The following YTHDC2 variants were observed in gnomAD, a reference collection of about 807,000 sequenced individuals.
The protein encoded by YTHDC2 is YTH N6-methyladenosine RNA binding protein C2.
Under a neutral mutation model 174.9 loss-of-function variants are expected in YTHDC2, and 45 were observed. The ratio of observed to expected loss-of-function variants is 0.26; its 90% CI spans 0.20 to 0.33. The LOEUF (loss-of-function observed/expected upper bound fraction) is 0.33, where lower values mean the gene tolerates loss of function less well. Ranked by LOEUF, YTHDC2 falls within the 10% of genes least tolerant of loss-of-function variation. YTHDC2 has a pLI of 1.00. For synonymous variants in YTHDC2, 657 were observed against 574.5 expected (o/e 1.14, Z -2.05); for missense variants, 1,650 against 1,723.7 (o/e 0.96, Z 0.76).
At chr5:113,530,465 C>T (rs887318550) in intron 4 of YTHDC2, among the ~76,000 whole-genome samples, 2 of 152,092 alleles carry the variant, frequency 1.3e-5, no homozygotes, top group African/African-American at 2.4e-5. Context: ...TTGCAGTATA[C>T]ATTCACAACT....
At chr5:113,553,896 A>AT (rs1402514691) in intron 15 of YTHDC2, 42 bp downstream of exon 15, 1 of 1,583,690 alleles carries the variant, frequency 6.3e-7, no homozygotes, top group Non-Finnish European at 8.5e-7. Context: ...TTCATTAGTT[A>AT]TTTTTTCTGT....
At position 113,515,341 on chromosome 5, in the gene YTHDC2, G is replaced by A. The variant is rs1773337877; in HGVS notation, c.257G>A (p.Gly86Asp). 6.2e-7 allele frequency: 1 copy of A among 1,612,258 alleles called. No homozygotes were observed. The highest frequency in any genetic ancestry group is 1.3e-5 in the African/African-American group (1 of 74,796). Reference protein sequence around the residue: ...AFIHRLSQSLGLVSKSKGKGA... With the variant: ...AFIHRLSQSLDLVSKSKGKGA... ...ATTCATCGACTCAGTCAGTCTCTTG[G>A]TTTGGTCTCTAAAAGTAAAGGGTAA... Residue 86 changes from glycine (G) to aspartate (D), a missense_variant, in exon 2 of 30, where the codon GGT becomes GAT. Gly to Asp is a moderately conservative substitution (Grantham distance 94, BLOSUM62 -1). This residue lies in a region of YTHDC2 where 304 missense variants were observed against 341.4 expected (regional missense o/e 0.89). Transcript: ENST00000161863.
At chr5:113,571,921 CT>C (rs1777748010) in intron 23 of YTHDC2, among the ~76,000 whole-genome samples, 1 of 152,098 alleles carries the variant, frequency 6.6e-6, no homozygotes, top group African/African-American at 2.4e-5. Flanking sequence ...AAAGAACCAG[CT>C]TTTTGATTTG....
intron 23 of YTHDC2, among the ~76,000 whole-genome samples, chr5:113,573,047 G>A (rs1376532610): frequency 6.6e-6 from 1 of 152,264 alleles, no homozygotes; most frequent in African/African-American, 2.4e-5. Context: ...TGTTTATGTG[G>A]TTGCTTCATA....
At chr5:113,583,593 C>A (rs1369502552) in intron 25 of YTHDC2, 1 of 152,342 alleles carries the variant, frequency 6.6e-6, no homozygotes. Flanking sequence ...CAAGCAATTT[C>A]CTGCCTCAGT....
intron 17 of YTHDC2, among the ~76,000 whole-genome samples, chr5:113,560,087 C>T (rs1776858782): frequency 6.6e-6 from 1 of 152,220 alleles, no homozygotes; most frequent in Non-Finnish European, 1.5e-5. Flanking sequence ...AATGCTCCTG[C>T]TCATTCCTTT....
chr5:113,546,302 A>C (rs962848088), intron 10 of YTHDC2, among the ~76,000 whole-genome samples: 2 of 152,192 alleles, frequency 1.3e-5, no homozygotes, highest in Non-Finnish European at 2.9e-5. Context: ...TAATTTGATT[A>C]TGGTCATCCT....
In YTHDC2 at chr5:113,535,689, G is replaced by T; in HGVS notation, c.993G>T (p.Lys331Asn). 1.9e-6 allele frequency: 3 copies of T among 1,613,680 alleles called. No individual in the cohort carries two copies. The highest frequency in any genetic ancestry group is 1.7e-6 in the Non-Finnish European group (2 of 1,179,850). The change falls in exon 7 of 30, where the codon AAG (lysine) becomes AAT (asparagine). Residue 331 changes from lysine (K) to asparagine (N), a missense_variant. This residue lies in a region of YTHDC2 where 411 missense variants were observed against 380.6 expected (regional missense o/e 1.08). Coordinates refer to ENST00000161863, the MANE Select transcript of YTHDC2 (RefSeq NM_022828.5). ...GATTTAGTGATTTTTTACTTACAAA[G>T]TTAAGAGATTTGTTGCAAAAGCACC... is the stretch of plus-strand genomic sequence containing the variant. Reference protein sequence around the residue: ...RDRFSDFLLTKLRDLLQKHPT... With the variant: ...RDRFSDFLLTNLRDLLQKHPT...
chr5:113,519,867 A>T (rs529813074), intron 2 of YTHDC2, among the ~76,000 whole-genome samples: 41 of 152,294 alleles, frequency 2.7e-4, no homozygotes, highest in African/African-American at 9.4e-4. Context: ...CAAAGAGTCA[A>T]TACACATAAT....
At position 113,532,962 on chromosome 5, in the gene YTHDC2, T is replaced by C. The variant is rs753088069; in HGVS notation, c.759T>C (p.Ala253=). ...IFCTQPRRLA[A]IAVAERVAAE... is the part of the protein sequence containing the mutation. Reference sequence around the variant, plus strand: ...GTACTCAACCAAGACGATTGGCAGCTATCGCTGTGGCTGAAAGAGTTGCCG... The same window carrying C: ...GTACTCAACCAAGACGATTGGCAGCCATCGCTGTGGCTGAAAGAGTTGCCG... The change falls in exon 5 of 30, where the codon GCT becomes GCC. Residue 253 remains alanine, a synonymous_variant. Transcript: ENST00000161863. The C allele has an allele frequency of 1.2e-6, 2 of 1,614,232 alleles. No homozygotes were observed. The highest frequency in any genetic ancestry group is 1.7e-6 in the Non-Finnish European group (2 of 1,180,036).
chr5:113,584,338 A>G lies in YTHDC2; in HGVS notation c.3684A>G (p.Pro1228=), dbSNP rs778027377. The stretch of plus-strand genomic sequence containing the variant: ...AATCTCCATCTCCAGCATTACACCC[A>G]CCTCAGAAGTACAAAGATAGAGGAA... ...LMKSPSPALH[P]PQKYKDRGIL... Residue 1228 remains proline (P), a synonymous_variant, in exon 26 of 30, where the codon CCA becomes CCG. Coordinates refer to ENST00000161863, the MANE Select transcript of YTHDC2 (RefSeq NM_022828.5). The G allele has an allele frequency of 1.9e-6, 3 of 1,613,546 alleles. No individual in the cohort carries two copies. The highest frequency in any genetic ancestry group is 2.5e-6 in the Non-Finnish European group (3 of 1,179,726).
intron 24 of YTHDC2, 183 bp downstream of exon 24, chr5:113,579,878 A>G (rs1778293036): frequency 1.0e-6 from 1 of 985,134 alleles, no homozygotes; most frequent in African/African-American, 1.7e-5. Context: ...CCAACAGAGG[A>G]CTTGGAAAAC....
At chr5:113,517,207 C>T (rs1773492632) in intron 2 of YTHDC2, among the ~76,000 whole-genome samples, 1 of 152,174 alleles carries the variant, frequency 6.6e-6, no homozygotes, top group African/African-American at 2.4e-5. Flanking sequence ...TTAATAACCT[C>T]ATGTCAGTTT....
intron 16 of YTHDC2, among the ~76,000 whole-genome samples, chr5:113,554,592 T>C (rs947892333): frequency 2.0e-5 from 3 of 151,944 alleles, no homozygotes; most frequent in Admixed American, 6.6e-5. Context: ...AAAAGTTTCA[T>C]TGGAACTCAG....
At chr5:113,562,995 A>G (rs1243926486) in intron 18 of YTHDC2, among the ~76,000 whole-genome samples, 1 of 152,164 alleles carries the variant, frequency 6.6e-6, no homozygotes, top group African/African-American at 2.4e-5. Flanking sequence ...AGGGCCTTGC[A>G]CTTAGAAAGC....
In YTHDC2 at chr5:113,540,992, C is replaced by T. The variant is rs778617591; in HGVS notation, c.1235C>T (p.Thr412Ile). Residue 412 changes from threonine (T) to isoleucine (I), a missense_variant, in exon 9 of 30, where the codon ACA (threonine) becomes ATA (isoleucine). By Grantham distance (89) the Thr-to-Ile change is moderately conservative. Transcript: ENST00000161863. ...QQEEKQQTTL[T>I]EWYSAQENSF... ...GAAGAGAAACAACAAACCACACTTA[C>T]AGAATGGTACTCAGCTCAAGAAAAT... The T allele has an allele frequency of 2.5e-6, 4 of 1,613,266 alleles. No homozygotes were observed. The highest frequency in any genetic ancestry group is 3.4e-6 in the Non-Finnish European group (4 of 1,179,694).
chr5:113,550,357 A>G (rs1391165082), intron 12 of YTHDC2, among the ~76,000 whole-genome samples: 1 of 152,186 alleles, frequency 6.6e-6, no homozygotes, highest in African/African-American at 2.4e-5. Context: ...AATTACTATC[A>G]GATCACAGAA....
intron 18 of YTHDC2, among the ~76,000 whole-genome samples, chr5:113,561,543 A>G (rs1020047902): frequency 1.6e-4 from 24 of 148,590 alleles, no homozygotes; most frequent in Non-Finnish European, 2.8e-4. Context: ...ATCTCGGCTC[A>G]CTGCAACCTC....
chr5:113,546,920 C>T (rs2112644462), intron 10 of YTHDC2, among the ~76,000 whole-genome samples: 1 of 152,118 alleles, frequency 6.6e-6, no homozygotes, highest in Non-Finnish European at 1.5e-5. Context: ...AATAGGGCTG[C>T]CTTATTCTAC....
Sources: gnomAD v4.1 joint callset for allele counts (sites outside exome capture counted in the v4.1 genomes callset) on GRCh38, gnomAD v4.1.1 for gene constraint, gnomAD v4.1.1 regional missense constraint, MANE v1.5 for transcripts, NCBI Gene and HGNC (gene_info 2026-07-23, HGNC 2026-07-21) for gene names.